Variants in NLGN1 observed in about 807,000 individuals in gnomAD.
NLGN1 encodes neuroligin-1.
A neutral mutation model predicts 65.5 loss-of-function variants in NLGN1; 12 were observed. That is an observed-to-expected ratio of 0.18 (90% CI 0.12 to 0.30). The LOEUF (loss-of-function observed/expected upper bound fraction) is 0.30. Among genes scored for constraint, NLGN1 ranks in the 10% least tolerant of loss-of-function variants. The pLI is 1.00. For missense variants in NLGN1, 750 were observed against 1,007.1 expected (o/e 0.74, Z 3.46); for synonymous variants, 350 against 359.5 (o/e 0.97, Z 0.30).
intron 4 of NLGN1, among the ~76,000 whole-genome samples, chr3:173,895,268 A>G (rs573059452): frequency 4.6e-5 from 7 of 152,204 alleles, no homozygotes; most frequent in African/African-American, 1.7e-4. Flanking sequence ...CCACATCTGT[A>G]AAGTCCCTTT....
chr3:173,768,680 C>T (rs1443896173), intron 3 of NLGN1, among the ~76,000 whole-genome samples: 2 of 152,124 alleles, frequency 1.3e-5, no homozygotes, highest in East Asian at 1.9e-4. Context: ...ACTCTTCAAA[C>T]GCATATAATA....
At chr3:174,183,010 A>G (rs1026354920) in intron 4 of NLGN1, among the ~76,000 whole-genome samples, 1 of 152,104 alleles carries the variant, frequency 6.6e-6, no homozygotes, top group Non-Finnish European at 1.5e-5. Context: ...AAATTCCACA[A>G]TGGAAGGCCC....
intron 4 of NLGN1, among the ~76,000 whole-genome samples, chr3:174,046,956 T>C (rs925194036): frequency 5.3e-5 from 8 of 151,960 alleles, no homozygotes; most frequent in Admixed American, 1.3e-4. Context: ...TAAATCTACA[T>C]TGAATGTAAA....
intron 4 of NLGN1, among the ~76,000 whole-genome samples, chr3:174,136,811 A>T (rs1217984133): frequency 2.0e-5 from 3 of 152,122 alleles, no homozygotes; most frequent in Admixed American, 6.5e-5. Context: ...TTTATCTTAC[A>T]GAATATTTGT....
chr3:174,142,951 T>C (rs1722572773), intron 4 of NLGN1, among the ~76,000 whole-genome samples: 1 of 152,070 alleles, frequency 6.6e-6, no homozygotes, highest in South Asian at 2.1e-4. Flanking sequence ...CTTACAATCA[T>C]GGTGGCAGGC....
At chr3:173,978,845 A>C (rs1579540580) in intron 4 of NLGN1, among the ~76,000 whole-genome samples, 1 of 150,804 alleles carries the variant, frequency 6.6e-6, no homozygotes, top group Non-Finnish European at 1.5e-5. Context: ...AAAAAAAAAA[A>C]AAAAAAAAAA....
intron 4 of NLGN1, among the ~76,000 whole-genome samples, chr3:174,166,534 G>A (rs1443413228): frequency 2.0e-5 from 3 of 152,022 alleles, no homozygotes; most frequent in African/African-American, 7.2e-5. Flanking sequence ...ACTTCACCAT[G>A]GTCCAAGAGT....
chr3:173,498,764 T>G (rs1171697226), intron 2 of NLGN1, among the ~76,000 whole-genome samples: 2 of 151,904 alleles, frequency 1.3e-5, no homozygotes, highest in East Asian at 1.9e-4. Context: ...TGTGAGATGG[T>G]ATCTCATTGT....
intron 2 of NLGN1, among the ~76,000 whole-genome samples, chr3:173,498,481 C>T (rs1349191902): frequency 6.6e-6 from 1 of 151,784 alleles, no homozygotes; most frequent in East Asian, 1.9e-4. Context: ...GGTTCCAAGT[C>T]TTTACTATTG....
intron 3 of NLGN1, among the ~76,000 whole-genome samples, chr3:173,650,934 T>A (rs551898255): frequency 3.1e-4 from 47 of 152,224 alleles, no homozygotes; most frequent in East Asian, 9.7e-4. Flanking sequence ...ATTTTTTTTT[T>A]TTATTATTTG....
chr3:173,976,876 A>G (rs1050857771), intron 4 of NLGN1, among the ~76,000 whole-genome samples: 1 of 151,976 alleles, frequency 6.6e-6, no homozygotes, highest in Non-Finnish European at 1.5e-5. Flanking sequence ...CAGTGTGTAT[A>G]TTTTCACTTC....
chr3:173,882,286 G>A (rs1733489923), intron 4 of NLGN1, among the ~76,000 whole-genome samples: 1 of 152,114 alleles, frequency 6.6e-6, no homozygotes, highest in South Asian at 2.1e-4. Flanking sequence ...AGAATTTTTG[G>A]AGTGGGAATT....
chr3:173,980,712 A>G (rs1285719568), intron 4 of NLGN1, among the ~76,000 whole-genome samples: 2 of 152,064 alleles, frequency 1.3e-5, no homozygotes, highest in Non-Finnish European at 2.9e-5. Flanking sequence ...TGCCAGCATC[A>G]GGTATAAAAA....
rs1195911602 is a variant in NLGN1, at chr3:173,925,946, G to A, written c.646+118114G>A. On this transcript the variant is annotated intron_variant, in intron 4 of 6. Transcript: ENST00000457714. Reference sequence around the variant, plus strand: ...ATTAGAAAGCAAAGATTTTCAAAAAGCATACATGCCATTCAAAACTTCTTT... The same window carrying A: ...ATTAGAAAGCAAAGATTTTCAAAAAACATACATGCCATTCAAAACTTCTTT... Among the ~76,000 whole-genome samples the A allele has an allele frequency of 3.9e-5, 6 of 151,966 alleles. No individual in the cohort carries two copies. In the Middle Eastern group the frequency reaches 0.01, roughly 260 times the overall value.
At chr3:173,452,006 C>T (rs1229725420) in intron 2 of NLGN1, among the ~76,000 whole-genome samples, 1 of 152,206 alleles carries the variant, frequency 6.6e-6, no homozygotes, top group Non-Finnish European at 1.5e-5. Flanking sequence ...CTTGTGCTTC[C>T]CGGGTGAGGC....
At chr3:173,909,187 G>A (rs553424029) in intron 4 of NLGN1, among the ~76,000 whole-genome samples, 1 of 152,162 alleles carries the variant, frequency 6.6e-6, no homozygotes, top group African/African-American at 2.4e-5. Context: ...ACGATGCAAG[G>A]AAAGTAAGAT....
At chr3:174,165,416 G>T (rs1462252525) in intron 4 of NLGN1, among the ~76,000 whole-genome samples, 1 of 151,808 alleles carries the variant, frequency 6.6e-6, no homozygotes, top group Non-Finnish European at 1.5e-5. Flanking sequence ...AAGAGATTTT[G>T]GATTTTATCT....
At chr3:174,171,929 T>G (rs1393722187) in intron 4 of NLGN1, among the ~76,000 whole-genome samples, 1 of 152,076 alleles carries the variant, frequency 6.6e-6, no homozygotes, top group Non-Finnish European at 1.5e-5. Context: ...AGATTATTTA[T>G]TATTTTGGTT....
intron 3 of NLGN1, among the ~76,000 whole-genome samples, chr3:173,647,038 A>C (rs923030366): frequency 1.3e-5 from 2 of 152,196 alleles, no homozygotes; most frequent in African/African-American, 4.8e-5. Context: ...CAGAATGGCT[A>C]TGTTAATATC....
Sources: gnomAD v4.1 joint callset for allele counts (sites outside exome capture counted in the v4.1 genomes callset) on GRCh38, gnomAD v4.1.1 for gene constraint, MANE v1.5 for transcripts, NCBI Gene and HGNC (gene_info 2026-07-23, HGNC 2026-07-21) for gene names.